MAT1A: variants seen among roughly 807,000 people sequenced by gnomAD.
MAT1A encodes methionine adenosyltransferase 1A.
Under a neutral mutation model 44.0 loss-of-function variants are expected in MAT1A, and 19 were observed. The observed-to-expected ratio is 0.43, with a 90% confidence interval of 0.30 to 0.63. The LOEUF (loss-of-function observed/expected upper bound fraction) is 0.63. Ranked by LOEUF, MAT1A falls within the 30% of genes least tolerant of loss-of-function variation. The probability of loss-of-function intolerance (pLI) is 0.12; values close to 1 mark genes in which losing one functional copy is unlikely to be tolerated. For synonymous variants in MAT1A, 205 were observed against 205.6 expected, an observed-to-expected ratio of 1.00 and a Z score of 0.03; for missense variants, 397 against 531.0, an observed-to-expected ratio of 0.75 and a Z score of 2.48.
intron 3 of MAT1A, among the ~76,000 whole-genome samples, chr10:80,282,069 A>G (rs1428655728): frequency 6.6e-6 from 1 of 152,158 alleles, no homozygotes. Flanking sequence ...CTGTTTCCTA[A>G]TGAATGTTTT....
intron 3 of MAT1A, among the ~76,000 whole-genome samples, chr10:80,283,012 T>C (rs971347521): frequency 3.3e-5 from 5 of 152,228 alleles, no homozygotes; most frequent in African/African-American, 9.7e-5. Flanking sequence ...CTCACAGTGA[T>C]TTCAGAGAAT....
chr10:80,285,451 G>T, intron 2 of MAT1A, 61 bp downstream of exon 2: 1 of 1,372,704 alleles, frequency 7.3e-7, no homozygotes, highest in South Asian at 1.2e-5. Flanking sequence ...TTATACCCAT[G>T]ATTAATTTCT....
Position 80,289,495 on chromosome 10 carries a change from T to TTC in MAT1A, c.-73_-72insGA. Reference sequence around the variant, plus strand: ...GGCTGTGACTTTGCCTGAGTTTTTTTTTCTTCTTCTTCTTCTTCTTTCAAC... The same window carrying TTC: ...GGCTGTGACTTTGCCTGAGTTTTTTTTCTTCTTCTTCTTCTTCTTCTTTCAAC... On this transcript the variant is annotated 5_prime_UTR_variant, in exon 1 of 9. Transcript: ENST00000372213. The TTC allele has an allele frequency of 1.9e-5, 16 of 863,524 alleles. No homozygotes were observed. Among genetic ancestry groups the TTC allele is most frequent in the East Asian group, 1.1e-4 (4 of 37,616 alleles). 53.5% of individuals were successfully genotyped at this position (863,524 alleles called of 1,614,324 possible).
At position 80,283,965 on chromosome 10, in the gene MAT1A, C is replaced by G; in HGVS notation, c.243G>C (p.Arg81=). 1 of 1,614,234 alleles carries G rather than the reference C, an allele frequency of 6.2e-7. No individual in the cohort carries two copies. The highest frequency in any genetic ancestry group is 8.5e-7 in the Non-Finnish European group (1 of 1,180,040). Reference sequence around the variant, plus strand: ...TGTGCTTGATGGTGTCCCTCACCACCCGCTGGTAGTCCACCATGGCCATTG... The same window carrying G: ...TGTGCTTGATGGTGTCCCTCACCACGCGCTGGTAGTCCACCATGGCCATTG... ...ITSMAMVDYQ[R]VVRDTIKHIG... Residue 81 remains arginine (R), a synonymous_variant, in exon 3 of 9, where the codon CGG becomes CGC. Transcript: ENST00000372213.
At chr10:80,281,010 T>C (rs1233179892) in intron 3 of MAT1A, among the ~76,000 whole-genome samples, 1 of 152,072 alleles carries the variant, frequency 6.6e-6, no homozygotes, top group African/African-American at 2.4e-5. Context: ...CAACCAAAAT[T>C]CTCCGTGGTG....
At chr10:80,285,217 A>G (rs561794546) in intron 2 of MAT1A, among the ~76,000 whole-genome samples, 3 of 152,290 alleles carry the variant, frequency 2.0e-5, no homozygotes, top group Admixed American at 1.3e-4. Context: ...CTTGTTCCCA[A>G]TGAGATCAAG....
At chr10:80,285,169 C>G (rs1281185061) in intron 2 of MAT1A, among the ~76,000 whole-genome samples, 1 of 152,164 alleles carries the variant, frequency 6.6e-6, no homozygotes, top group Non-Finnish European at 1.5e-5. Flanking sequence ...CTCTTGCATC[C>G]CGTCTGGAAG....
chr10:80,281,994 C>T (rs927295317), intron 3 of MAT1A, among the ~76,000 whole-genome samples: 4 of 152,200 alleles, frequency 2.6e-5, no homozygotes, highest in African/African-American at 7.2e-5. Context: ...GAACTTACCC[C>T]AGGGCACCTC....
intron 6 of MAT1A, 60 bp downstream of exon 6, chr10:80,276,316 G>A: frequency 1.3e-6 from 2 of 1,557,408 alleles, no homozygotes; most frequent in South Asian, 2.2e-5. Flanking sequence ...CCTGCTCTGA[G>A]ACATAAGCAA....
rs181735769 is a variant in MAT1A, at chr10:80,284,963, T to C, written c.169+549A>G. ...AATGTCTCTTAGGAAAGCCATTGATTTATTGAAAAACAATTGGTGAAGATG... is the reference window on the plus strand; with the variant it reads ...AATGTCTCTTAGGAAAGCCATTGATCTATTGAAAAACAATTGGTGAAGATG... On this transcript the variant is annotated intron_variant, in intron 2 of 8. Coordinates refer to ENST00000372213, the MANE Select transcript of MAT1A (RefSeq NM_000429.3). Among the ~76,000 whole-genome samples the C allele has an allele frequency of 2.7e-4, 41 of 152,368 alleles. No individual in the cohort carries two copies. In the East Asian group the frequency reaches 7.5e-3, roughly 28 times the overall value.
chr10:80,276,654 G>T, intron 5 of MAT1A, 60 bp from the exon 6 acceptor site: 1 of 1,554,704 alleles, frequency 6.4e-7, no homozygotes, highest in Non-Finnish European at 8.8e-7. Context: ...ACGGCACATC[G>T]TGGCCAGACA....
chr10:80,281,436 G>A (rs1841565936), intron 3 of MAT1A, among the ~76,000 whole-genome samples: 1 of 152,092 alleles, frequency 6.6e-6, no homozygotes, highest in Non-Finnish European at 1.5e-5. Flanking sequence ...CACCTAGCAC[G>A]CGAGGCACTG....
rs766735917 is a variant in MAT1A, at chr10:80,280,216, C to T, written c.506G>A (p.Arg169His). The T allele has an allele frequency of 6.8e-6, 11 of 1,614,060 alleles. No homozygotes were observed. The highest frequency in any genetic ancestry group is 4.0e-5 in the African/African-American group (3 of 75,004). Residue 169 changes from arginine (R) to histidine (H), a missense_variant, in exon 5 of 9, where the codon CGC becomes CAC. Transcript: ENST00000372213. ...KLNARMADLR[R>H]SGLLPWLRPD... is the part of the protein sequence containing the mutation. ...CCGCAGCCAGGGGAGGAGGCCGGAG[C>T]GCCTGAGGTCTGCCATCCGGGCGTT...
Position 80,272,926 on chromosome 10 carries a change from C to A in MAT1A, c.*855G>T, listed in dbSNP as rs907089025. The A allele has an allele frequency of 3.3e-5, 5 of 152,214 alleles. No individual in the cohort carries two copies. The highest frequency in any genetic ancestry group is 1.2e-4 in the African/African-American group (5 of 41,442). 9.4% of individuals were successfully genotyped at this position (152,214 alleles called of 1,614,324 possible). ...TTTCAGACAATTGCCCACGGCTCAA[C>A]AAGAGCTAGTGGGTTAATCCCCTAA... is the stretch of plus-strand genomic sequence containing the variant. On this transcript the variant is annotated 3_prime_UTR_variant, in exon 9 of 9. Coordinates refer to ENST00000372213, the MANE Select transcript of MAT1A (RefSeq NM_000429.3).
chr10:80,281,988 T>C (rs980535260), intron 3 of MAT1A, among the ~76,000 whole-genome samples: 2 of 152,142 alleles, frequency 1.3e-5, no homozygotes, highest in Non-Finnish European at 2.9e-5. Context: ...TGCCAGGAAC[T>C]TACCCCAGGG....
chr10:80,276,752 T>C (rs1342552052), intron 5 of MAT1A, among the ~76,000 whole-genome samples, 158 bp from the exon 6 acceptor site: 2 of 152,178 alleles, frequency 1.3e-5, no homozygotes, highest in Non-Finnish European at 2.9e-5. Flanking sequence ...TCTGACACAT[T>C]CTTACGTTCA....
rs1841639344 is a variant in MAT1A, at chr10:80,285,589, T to C, written c.92A>G (p.Asp31Gly). The C allele has an allele frequency of 1.2e-6, 2 of 1,609,174 alleles. No homozygotes were observed. Among genetic ancestry groups the C allele is most frequent in the Middle Eastern group, 1.7e-4 (1 of 6,044 alleles). ...ATCACTGATCTGGTCACAGATCTTA[T>C]CTGGACAAGAGCAAATATGGGTCAG... The part of the protein sequence containing the change: ...TSESVGEGHP[D>G]KICDQISDAV... The change falls in exon 2 of 9, where the codon GAT (aspartate) becomes GGT (glycine). Residue 31 changes from aspartate to glycine, a missense_variant and splice_region_variant. Physicochemically the swap from Asp to Gly is moderately conservative, Grantham distance 94. Coordinates refer to ENST00000372213, the MANE Select transcript of MAT1A (RefSeq NM_000429.3).
chr10:80,273,472 T>C lies in MAT1A; in HGVS notation c.*309A>G. 2.7e-6 allele frequency: 1 copy of C among 376,226 alleles called. No individual in the cohort carries two copies. Among genetic ancestry groups the C allele is most frequent in the South Asian group, 2.2e-5 (1 of 45,758 alleles). 23.3% of individuals were successfully genotyped at this position (376,226 alleles called of 1,614,324 possible). ...GGGGGAGCTGGTCAGGGTCCAGCTG[T>C]TGGGGGAGACGAGTGAGGGAATTCA... On this transcript the variant is annotated 3_prime_UTR_variant, in exon 9 of 9. Transcript: ENST00000372213.
Position 80,272,181 on chromosome 10 carries a change from C to CCAGCCTGAA in MAT1A, c.*1599_*1600insTTCAGGCTG, listed in dbSNP as rs1564644651. On this transcript the variant is annotated 3_prime_UTR_variant, in exon 9 of 9. Coordinates refer to ENST00000372213, the MANE Select transcript of MAT1A (RefSeq NM_000429.3). The stretch of plus-strand genomic sequence containing the variant: ...AGATGAGACTTCCTGGGCTGCCTCT[C>CCAGCCTGAA]CCAGCACCATGTACCCTAGAGAGAG... The CCAGCCTGAA allele has an allele frequency of 6.6e-6, 1 of 151,730 alleles. No homozygotes were observed. The highest frequency in any genetic ancestry group is 1.5e-5 in the Non-Finnish European group (1 of 67,894). The allele number at this position is 151,730 out of a possible 1,614,324, so 9.4% of individuals were successfully genotyped here.
Sources: allele counts gnomAD v4.1 joint callset (sites outside exome capture counted in the v4.1 genomes callset), GRCh38; gene constraint gnomAD v4.1.1; transcripts MANE v1.5; gene names NCBI Gene and HGNC (gene_info 2026-07-23, HGNC 2026-07-21).